The following PARD3B variants were observed in gnomAD, a reference collection of about 807,000 sequenced individuals.
PARD3B encodes par-3 family cell polarity regulator beta.
Under a neutral mutation model 130.2 loss-of-function variants are expected in PARD3B, and 103 were observed. That is an observed-to-expected ratio of 0.79 (90% CI 0.67 to 0.93). The LOEUF (loss-of-function observed/expected upper bound fraction) is 0.93, where lower values mean the gene tolerates loss of function less well. PARD3B is among the 40% of genes least tolerant of loss of function. The pLI, the probability that PARD3B is intolerant of heterozygous loss-of-function variation, is 0.00. For synonymous variants in PARD3B, 583 were observed against 553.2 expected, an observed-to-expected ratio of 1.05 and a Z score of -0.76; for missense variants, 1,609 against 1,499.2, an observed-to-expected ratio of 1.07 and a Z score of -1.21.
chr2:205,271,210 G>C (rs1355391812), intron 16 of PARD3B, among the ~76,000 whole-genome samples: 1 of 152,166 alleles, frequency 6.6e-6, no homozygotes, highest in Non-Finnish European at 1.5e-5. Flanking sequence ...TCAGAAGCTA[G>C]GCTTTGTTCC....
intron 1 of PARD3B, among the ~76,000 whole-genome samples, chr2:204,548,651 A>T (rs978111295): frequency 6.6e-6 from 1 of 152,238 alleles, no homozygotes; most frequent in Non-Finnish European, 1.5e-5. Context: ...TAACTGCTAT[A>T]TCACATCAAC....
At chr2:205,317,273 T>G (rs13392271) in intron 18 of PARD3B, among the ~76,000 whole-genome samples, 1,950 of 152,298 alleles carry the variant, frequency 0.013, 46 homozygotes, top group African/African-American at 0.044. Flanking sequence ...ACTTCTTACC[T>G]ACCTGCAATA....
chr2:204,636,033 C>G (rs896499924), intron 1 of PARD3B, among the ~76,000 whole-genome samples: 2 of 151,962 alleles, frequency 1.3e-5, no homozygotes, highest in Non-Finnish European at 2.9e-5. Context: ...GTTTGTAAGC[C>G]TCTCTTGAGG....
At chr2:205,044,407 T>A (rs1188586697) in intron 3 of PARD3B, among the ~76,000 whole-genome samples, 2 of 148,854 alleles carry the variant, frequency 1.3e-5, no homozygotes, top group Non-Finnish European at 3.0e-5. Flanking sequence ...GTTGAACTAG[T>A]TTACAGTCCC....
In PARD3B at chr2:204,943,143, TTAA is replaced by T. The variant is rs1689044948; in HGVS notation, c.223-22007_223-22005del. ...CTTAAGAAAGAAGTTTTTCACATTC[TTAA>T]TGTGTGTATGTGTGTGTGTGTATGT... is the stretch of plus-strand genomic sequence containing the variant. On this transcript the variant is annotated intron_variant, in intron 2 of 22. Transcript: ENST00000406610. The surrounding 1 kb of genome is among the most constrained non-coding windows in gnomAD (Gnocchi z 4.2). Among the ~76,000 whole-genome samples the T allele has an allele frequency of 1.3e-5, 2 of 151,864 alleles. 1 individual carries two copies. The highest frequency in any genetic ancestry group is 4.1e-4 in the South Asian group (2 of 4,832).
intron 2 of PARD3B, among the ~76,000 whole-genome samples, chr2:204,859,719 G>T (rs2045106276): frequency 1.3e-5 from 2 of 152,130 alleles, no homozygotes; most frequent in Admixed American, 1.3e-4. Context: ...CTTGAAGGCT[G>T]GGCAGTGATG....
rs573617275 is a variant in PARD3B, at chr2:205,247,557, G to T, written c.2185+1735G>T. ...GTCTTTATGTCACATGAACCACACT[G>T]TTTAAATACTTCTGATGTTTTAAAG... On this transcript the variant is annotated intron_variant, in intron 16 of 22. Transcript: ENST00000406610. 2.0e-5 allele frequency among the ~76,000 whole-genome samples: 3 copies of T among 152,248 alleles called. 1 individual carries two copies. The highest frequency in any genetic ancestry group is 7.2e-5 in the African/African-American group (3 of 41,538).
Position 205,458,696 on chromosome 2 carries a change from G to A in PARD3B, c.3044+18024G>A, listed in dbSNP as rs978537535. 6.6e-6 allele frequency among the ~76,000 whole-genome samples: 1 copy of A among 152,022 alleles called. No homozygotes were observed. Among genetic ancestry groups the A allele is most frequent in the African/African-American group, 2.4e-5 (1 of 41,380 alleles). On this transcript the variant is annotated intron_variant, in intron 20 of 22. Coordinates refer to ENST00000406610, the MANE Select transcript of PARD3B (RefSeq NM_001302769.2). This position sits in a 1 kb window ranked among gnomAD's most constrained non-coding sequence, Gnocchi z 4.8. ...TGAATAATGTCACTATCTGAACTGT[G>A]GGTCTGTTCATATTGTTTGATTTTC...
chr2:205,193,479 C>A (rs942482771), intron 15 of PARD3B, among the ~76,000 whole-genome samples, 159 bp downstream of exon 15: 1 of 152,166 alleles, frequency 6.6e-6, no homozygotes, highest in South Asian at 2.1e-4. Flanking sequence ...CCTATCTCTT[C>A]GCACATTTAA....
At chr2:205,356,927 A>G (rs932911278) in intron 18 of PARD3B, among the ~76,000 whole-genome samples, 1 of 151,682 alleles carries the variant, frequency 6.6e-6, no homozygotes, top group Non-Finnish European at 1.5e-5. Context: ...AAAGAACATC[A>G]TTCCAGTAAC....
intron 19 of PARD3B, among the ~76,000 whole-genome samples, chr2:205,435,001 T>C (rs2047462425): frequency 6.6e-6 from 1 of 152,134 alleles, no homozygotes; most frequent in Admixed American, 6.5e-5. Flanking sequence ...GCTCAAACTT[T>C]AGCATTATGC....
chr2:204,877,227 TCACA>T (rs1341526163), intron 2 of PARD3B, among the ~76,000 whole-genome samples: 1 of 151,766 alleles, frequency 6.6e-6, no homozygotes, highest in African/African-American at 2.4e-5. Context: ...AAGGGGAACA[TCACA>T]CACCAGGGCC....
chr2:204,587,060 A>G (rs1413232044), intron 1 of PARD3B, among the ~76,000 whole-genome samples: 4 of 152,188 alleles, frequency 2.6e-5, no homozygotes, highest in African/African-American at 9.6e-5. Context: ...TGGAGTGGAA[A>G]CATTCAGTTT....
intron 2 of PARD3B, among the ~76,000 whole-genome samples, chr2:204,782,251 G>T (rs1574970173): frequency 1.3e-5 from 2 of 151,912 alleles, no homozygotes; most frequent in East Asian, 3.9e-4. Context: ...CACTGCATAT[G>T]CATGAGAGAA....
chr2:205,046,023 A>G (rs1458166817), intron 3 of PARD3B, among the ~76,000 whole-genome samples: 2 of 152,138 alleles, frequency 1.3e-5, no homozygotes, highest in African/African-American at 4.8e-5. Flanking sequence ...GAAATAAACC[A>G]GAGTTCTTGA....
intron 10 of PARD3B, among the ~76,000 whole-genome samples, chr2:205,141,831 A>C (rs2032981433): frequency 6.6e-6 from 1 of 152,232 alleles, no homozygotes; most frequent in African/African-American, 2.4e-5. Context: ...AGATGGTATT[A>C]TAAAGTATTG....
At chr2:205,060,044 A>T (rs1407735541) in intron 4 of PARD3B, among the ~76,000 whole-genome samples, 1 of 152,096 alleles carries the variant, frequency 6.6e-6, no homozygotes, top group African/African-American at 2.4e-5. Context: ...CACAGAACTA[A>T]CAAGTAGCAG....
At chr2:205,365,104 G>A (rs997281047) in intron 18 of PARD3B, among the ~76,000 whole-genome samples, 7 of 151,820 alleles carry the variant, frequency 4.6e-5, no homozygotes, top group African/African-American at 1.7e-4. Flanking sequence ...GGAGGCTAAG[G>A]CAGGAGAATT....
At chr2:205,487,847 A>G (rs1006164082) in intron 20 of PARD3B, among the ~76,000 whole-genome samples, 13 of 152,216 alleles carry the variant, frequency 8.5e-5, no homozygotes, top group Admixed American at 6.5e-5. Context: ...TTATCTTTGC[A>G]GTTCCTGCAG....
Sources: allele counts gnomAD v4.1 joint callset (sites outside exome capture counted in the v4.1 genomes callset), GRCh38; gene constraint gnomAD v4.1.1; non-coding constraint Gnocchi (gnomAD v3.1); transcripts MANE v1.5; gene names NCBI Gene and HGNC (gene_info 2026-07-23, HGNC 2026-07-21).